ARHGAP26: variants seen among roughly 807,000 people sequenced by gnomAD.
The protein encoded by ARHGAP26 is rho GTPase-activating protein 26.
Under a neutral mutation model 104.8 loss-of-function variants are expected in ARHGAP26, and 38 were observed. The ratio of observed to expected loss-of-function variants is 0.36; its 90% CI spans 0.28 to 0.48. The LOEUF is 0.48. ARHGAP26 is among the 20% of genes least tolerant of loss of function. The probability of loss-of-function intolerance (pLI) is 0.99; values close to 1 mark genes in which losing one functional copy is unlikely to be tolerated. For synonymous variants in ARHGAP26, 341 were observed against 340.0 expected (o/e 1.00, Z -0.03); for missense variants, 704 against 947.9 (o/e 0.74, Z 3.38).
chr5:143,149,504 G>A (rs1462351080), intron 20 of ARHGAP26, among the ~76,000 whole-genome samples: 1 of 152,176 alleles, frequency 6.6e-6, no homozygotes, highest in Non-Finnish European at 1.5e-5. Context: ...CTGGGATCCT[G>A]TCTCCCTGAT....
intron 6 of ARHGAP26, among the ~76,000 whole-genome samples, chr5:142,900,083 A>G (rs1158634991): frequency 6.6e-6 from 1 of 152,208 alleles, no homozygotes; most frequent in Admixed American, 6.5e-5. Context: ...GGGGCAGGGC[A>G]TTTGCAGATA....
chr5:143,134,173 G>A (rs1156544718), intron 19 of ARHGAP26, 68 bp downstream of exon 19: 21 of 1,482,930 alleles, frequency 1.4e-5, no homozygotes, highest in Non-Finnish European at 1.7e-5. Flanking sequence ...ACGGCTCAGG[G>A]TGGACACTTC....
At chr5:143,004,617 G>A (rs1348367506) in intron 11 of ARHGAP26, among the ~76,000 whole-genome samples, 1 of 152,160 alleles carries the variant, frequency 6.6e-6, no homozygotes, top group Non-Finnish European at 1.5e-5. Context: ...GCTGAAATCT[G>A]CCTTCCTGGG....
intron 17 of ARHGAP26, among the ~76,000 whole-genome samples, chr5:143,111,267 A>C (rs777083978): frequency 6.6e-6 from 1 of 152,230 alleles, no homozygotes; most frequent in Non-Finnish European, 1.5e-5. Context: ...AGAGAAGCAA[A>C]TGAGATAAAA....
chr5:142,870,509 A>G (rs1164833439), intron 1 of ARHGAP26, among the ~76,000 whole-genome samples: 1 of 152,224 alleles, frequency 6.6e-6, no homozygotes, highest in Non-Finnish European at 1.5e-5. Flanking sequence ...TCCTCTCCTT[A>G]GTGGCCTTGC....
intron 19 of ARHGAP26, among the ~76,000 whole-genome samples, chr5:143,141,871 C>A (rs1798578433): frequency 6.6e-6 from 1 of 152,188 alleles, no homozygotes; most frequent in Non-Finnish European, 1.5e-5. Context: ...GCCAGTCTTC[C>A]TCATTGTGCC....
intron 1 of ARHGAP26, among the ~76,000 whole-genome samples, chr5:142,796,158 T>TAACC (rs1234456786): frequency 6.6e-6 from 1 of 152,082 alleles, no homozygotes; most frequent in Non-Finnish European, 1.5e-5. Context: ...CATTTCTGTA[T>TAACC]AACCAGTGCT....
chr5:142,957,395 A>G lies in ARHGAP26; in HGVS notation c.1107+25270A>G, dbSNP rs543758508. ...ATAAGGTTACCTTATTTTGATTATTATGTTATTTTTCAAAATAAAGTTCCA... is the reference window on the plus strand; with the variant it reads ...ATAAGGTTACCTTATTTTGATTATTGTGTTATTTTTCAAAATAAAGTTCCA... On this transcript the variant is annotated intron_variant, in intron 11 of 22. Transcript: ENST00000645722. Among the ~76,000 whole-genome samples, 7 of 152,294 alleles carry G rather than the reference A, an allele frequency of 4.6e-5. No homozygotes were observed. In the East Asian group the frequency reaches 9.6e-4, roughly 21 times the overall value.
chr5:143,122,549 T>C (rs1483495829), intron 18 of ARHGAP26, among the ~76,000 whole-genome samples: 2 of 152,232 alleles, frequency 1.3e-5, no homozygotes, highest in Non-Finnish European at 2.9e-5. Flanking sequence ...AATTGACTTT[T>C]ATTTGCGATT....
At chr5:142,969,079 GCAC>G in intron 11 of ARHGAP26, among the ~76,000 whole-genome samples, 1 of 152,148 alleles carries the variant, frequency 6.6e-6, no homozygotes, top group East Asian at 1.9e-4. Flanking sequence ...CCACAGGTGT[GCAC>G]CACCATACTC....
rs189154014 is a variant in ARHGAP26, at chr5:143,184,238, T to G, written c.1989-22960T>G. Among the ~76,000 whole-genome samples the G allele has an allele frequency of 3.4e-3, 521 of 152,276 alleles. 14 individuals carry two copies. The highest frequency in any genetic ancestry group is 7.6e-4 in the Non-Finnish European group (52 of 67,990). The stretch of plus-strand genomic sequence containing the variant: ...AATGCCAGCTGTCCCTTCCTGCCCA[T>G]TAGGGGGTAGAGAATGCCTCTTTTG... On this transcript the variant is annotated intron_variant, in intron 20 of 22. Transcript: ENST00000645722.
intron 11 of ARHGAP26, among the ~76,000 whole-genome samples, chr5:142,974,536 T>G (rs1156433523): frequency 6.6e-6 from 1 of 152,236 alleles, no homozygotes; most frequent in Non-Finnish European, 1.5e-5. Flanking sequence ...CTCTACAAAC[T>G]GATGAAATGT....
intron 1 of ARHGAP26, among the ~76,000 whole-genome samples, chr5:142,786,690 C>T (rs1185690304): frequency 1.7e-5 from 2 of 114,910 alleles, no homozygotes; most frequent in Non-Finnish European, 1.7e-5. Flanking sequence ...GAGATGGAGT[C>T]TTGCTCTATG....
intron 17 of ARHGAP26, among the ~76,000 whole-genome samples, chr5:143,088,857 G>A (rs755484561): frequency 3.9e-5 from 6 of 152,168 alleles, no homozygotes; most frequent in Non-Finnish European, 8.8e-5. Context: ...AGAGTGACGG[G>A]GTGAGTGGTT....
chr5:143,025,137 C>T (rs767311157), intron 12 of ARHGAP26, among the ~76,000 whole-genome samples: 6 of 152,110 alleles, frequency 3.9e-5, no homozygotes, highest in Non-Finnish European at 5.9e-5. Context: ...TATATAAAAA[C>T]GTGGCACTGT....
At chr5:142,915,163 A>G (rs925737657) in intron 10 of ARHGAP26, among the ~76,000 whole-genome samples, 2 of 151,982 alleles carry the variant, frequency 1.3e-5, no homozygotes, top group African/African-American at 4.8e-5. Flanking sequence ...AGCACTTCCT[A>G]GCACCTTCCC....
chr5:143,166,221 T>C, intron 20 of ARHGAP26: 1 of 605,622 alleles, frequency 1.7e-6, no homozygotes. Context: ...AAAAGCTCTC[T>C]GAGTAGCCGG....
intron 20 of ARHGAP26, among the ~76,000 whole-genome samples, chr5:143,157,697 G>A (rs1800663635): frequency 6.6e-6 from 1 of 152,170 alleles, no homozygotes. Context: ...CATAATGGAT[G>A]GCATTACTAT....
chr5:143,046,651 C>G (rs1305776613), intron 14 of ARHGAP26, among the ~76,000 whole-genome samples: 2 of 152,174 alleles, frequency 1.3e-5, no homozygotes, highest in East Asian at 3.9e-4. Context: ...GGGTTTTCCC[C>G]CCTGAATATT....
Sources: allele counts gnomAD v4.1 joint callset (sites outside exome capture counted in the v4.1 genomes callset), GRCh38; gene constraint gnomAD v4.1.1; transcripts MANE v1.5; gene names NCBI Gene and HGNC (gene_info 2026-07-23, HGNC 2026-07-21).